RBFOX1: variants seen among roughly 807,000 people sequenced by gnomAD.
The protein encoded by RBFOX1 is RNA binding protein fox-1 homolog 1.
RBFOX1 carries 8 observed loss-of-function variants against 57.7 expected under a neutral mutation model. That is an observed-to-expected ratio of 0.14 (90% CI 0.08 to 0.25). The LOEUF is 0.25. RBFOX1 is among the 10% of genes least tolerant of loss of function. The probability of loss-of-function intolerance (pLI) is 1.00; values close to 1 mark genes in which losing one functional copy is unlikely to be tolerated. For missense variants in RBFOX1, 611 were observed against 548.5 expected (o/e 1.11, Z -1.14); for synonymous variants, 326 against 222.4 (o/e 1.47, Z -4.15).
At chr16:5,393,324 C>T (rs959787174) in intron 1 of RBFOX1, among the ~76,000 whole-genome samples, 6 of 152,134 alleles carry the variant, frequency 3.9e-5, no homozygotes, top group Non-Finnish European at 4.4e-5. Flanking sequence ...TGTCTCAAGC[C>T]GAATACTTGG....
intron 3 of RBFOX1, among the ~76,000 whole-genome samples, chr16:6,687,960 A>T (rs2154129688): frequency 6.6e-6 from 1 of 152,354 alleles, no homozygotes; most frequent in East Asian, 1.9e-4. Flanking sequence ...GAAATGAAAG[A>T]TGACACATGC....
intron 4 of RBFOX1, among the ~76,000 whole-genome samples, chr16:7,216,087 G>T (rs2091987819): frequency 6.6e-6 from 1 of 152,084 alleles, no homozygotes; most frequent in South Asian, 2.1e-4. Context: ...CTTTCACTTA[G>T]CATAATGCTT....
rs1555705837 is a variant in RBFOX1, at chr16:6,700,367, A to AAC, written c.-16+45718_-16+45719insCA. On this transcript the variant is annotated intron_variant, in intron 3 of 15. Transcript: ENST00000550418. The stretch of plus-strand genomic sequence containing the variant: ...TAGGCAAGGTTAAAACAAAAAAAAA[A>AAC]AGAATTTTGACCAGGTGTCATGTCT... Among the ~76,000 whole-genome samples the AAC allele has an allele frequency of 1.0e-3, 153 of 151,624 alleles. 3 individuals carry two copies. The Middle Eastern group carries it at 0.01, about 10-fold the overall frequency.
chr16:7,707,196 C>T (rs890325373), intron 14 of RBFOX1, among the ~76,000 whole-genome samples: 1 of 152,146 alleles, frequency 6.6e-6, no homozygotes, highest in African/African-American at 2.4e-5. Context: ...GGCAGATGGG[C>T]TTGAGAGTTG....
chr16:6,056,038 T>C (rs559799942), intron 1 of RBFOX1, among the ~76,000 whole-genome samples: 2 of 152,106 alleles, frequency 1.3e-5, no homozygotes, highest in Non-Finnish European at 2.9e-5. Context: ...TCAATGAGGG[T>C]TCTTGGGGTG....
chr16:5,483,789 T>A (rs1001819969), intron 2 of RBFOX1, among the ~76,000 whole-genome samples: 2 of 152,214 alleles, frequency 1.3e-5, no homozygotes, highest in Non-Finnish European at 2.9e-5. Flanking sequence ...AACAGACATT[T>A]ATTATTTCAT....
At chr16:5,628,381 C>T (rs1015666803) in intron 3 of RBFOX1, among the ~76,000 whole-genome samples, 1 of 152,068 alleles carries the variant, frequency 6.6e-6, no homozygotes, top group Non-Finnish European at 1.5e-5. Flanking sequence ...ATCCTGGGCA[C>T]ATTCTCCATT....
At chr16:6,501,299 C>A (rs2095916246) in intron 2 of RBFOX1, among the ~76,000 whole-genome samples, 2 of 113,970 alleles carry the variant, frequency 1.8e-5, no homozygotes. Flanking sequence ...CCTCCCCCCA[C>A]CCCACAACAG....
At chr16:6,445,964 A>ATT (rs1197873042) in intron 2 of RBFOX1, among the ~76,000 whole-genome samples, 13 of 94,918 alleles carry the variant, frequency 1.4e-4, no homozygotes, top group Admixed American at 1.3e-3. Context: ...CACTTTTTTA[A>ATT]ATTTTTTTTT....
chr16:5,699,240 C>T (rs1458046014), intron 3 of RBFOX1, among the ~76,000 whole-genome samples: 2 of 152,038 alleles, frequency 1.3e-5, no homozygotes, highest in Admixed American at 6.6e-5. Flanking sequence ...TCTGCCTTGG[C>T]CTCCCTAAGG....
At chr16:5,943,965 AC>A (rs61534401) in intron 4 of RBFOX1, among the ~76,000 whole-genome samples, 3 of 136,056 alleles carry the variant, frequency 2.2e-5, no homozygotes, top group South Asian at 2.4e-4. Context: ...CCATCCATCC[AC>A]CCCCCCACCC....
chr16:6,424,905 G>C (rs552428756), intron 2 of RBFOX1, among the ~76,000 whole-genome samples: 3 of 152,038 alleles, frequency 2.0e-5, no homozygotes, highest in African/African-American at 7.2e-5. Flanking sequence ...TTTTACTTTC[G>C]TTTTGAAAAG....
Position 7,027,217 on chromosome 16 carries a change from GA to G in RBFOX1, c.-15-24834del, listed in dbSNP as rs1201813354. Among the ~76,000 whole-genome samples, 9 of 152,182 alleles carry G rather than the reference GA, an allele frequency of 5.9e-5. No individual in the cohort carries two copies. The East Asian group carries it at 1.7e-3, about 29-fold the overall frequency. Reference sequence around the variant, plus strand: ...ATCTTATTGAACTCTCCAGCGCACAGAAAAAACTCATAAATATTTGTTCAAC... The same window carrying G: ...ATCTTATTGAACTCTCCAGCGCACAGAAAAACTCATAAATATTTGTTCAAC... On this transcript the variant is annotated intron_variant, in intron 3 of 15. Coordinates refer to ENST00000550418, the MANE Select transcript of RBFOX1 (RefSeq NM_018723.4).
In RBFOX1 at chr16:6,976,862, T is replaced by C. The variant is rs1419102604; in HGVS notation, c.-15-75195T>C. Among the ~76,000 whole-genome samples the C allele has an allele frequency of 3.0e-4, 3 of 9,848 alleles. No individual in the cohort carries two copies. The East Asian group carries it at 0.022, about 72-fold the overall frequency. 6.5% of individuals were successfully genotyped at this position (9,848 alleles called of 152,430 possible). The stretch of plus-strand genomic sequence containing the variant: ...TATCATATGATGTATATCACATATA[T>C]ATCACATATGTCATATCCATATCAC... On this transcript the variant is annotated intron_variant, in intron 3 of 15. Coordinates refer to ENST00000550418, the MANE Select transcript of RBFOX1 (RefSeq NM_018723.4).
rs146568931 is a variant in RBFOX1 at position 6,836,054 on chromosome 16, C to A, written c.-16+181404C>A. On this transcript the variant is annotated intron_variant, in intron 3 of 15. Coordinates refer to ENST00000550418, the MANE Select transcript of RBFOX1 (RefSeq NM_018723.4). ...TGGAGGAGAAAAGAAACCTACTGTT[C>A]AATAGCTAGCTCAGCTCTGCTACAA... Among the ~76,000 whole-genome samples the A allele has an allele frequency of 1.8e-4, 28 of 152,274 alleles. No homozygotes were observed. The East Asian group carries it at 5.0e-3, about 27-fold the overall frequency.
intron 11 of RBFOX1, among the ~76,000 whole-genome samples, chr16:7,637,059 A>G (rs1367885160): frequency 6.6e-6 from 1 of 152,116 alleles, no homozygotes; most frequent in Admixed American, 6.5e-5. Flanking sequence ...TGATACAGGG[A>G]TGTCAGTTTT....
At chr16:7,337,292 T>C (rs953330999) in intron 4 of RBFOX1, among the ~76,000 whole-genome samples, 1 of 152,168 alleles carries the variant, frequency 6.6e-6, no homozygotes, top group Non-Finnish European at 1.5e-5. Context: ...GGAAAGGAAG[T>C]AACCCAGTGC....
At chr16:7,118,408 C>T (rs570216105) in intron 4 of RBFOX1, among the ~76,000 whole-genome samples, 1 of 151,916 alleles carries the variant, frequency 6.6e-6, no homozygotes, top group African/African-American at 2.4e-5. Context: ...AATGCCTGTT[C>T]AAGTCAGAGA....
intron 1 of RBFOX1, among the ~76,000 whole-genome samples, chr16:5,438,793 T>C (rs773787995): frequency 7.2e-5 from 11 of 151,954 alleles, no homozygotes; most frequent in African/African-American, 1.2e-4. Context: ...ATCCGTCCTG[T>C]GGGGGTGTCA....
Sources: allele counts gnomAD v4.1 joint callset (sites outside exome capture counted in the v4.1 genomes callset), GRCh38; gene constraint gnomAD v4.1.1; transcripts MANE v1.5; gene names NCBI Gene and HGNC (gene_info 2026-07-23, HGNC 2026-07-21).